CATSPERE: variants seen among roughly 807,000 people sequenced by gnomAD.
The protein encoded by CATSPERE is cation channel sperm-associated auxiliary subunit epsilon.
In CATSPERE, 93 loss-of-function variants were observed where a neutral mutation model predicts 114.1. The observed-to-expected ratio is 0.81, with a 90% confidence interval of 0.69 to 0.97. The LOEUF is 0.97. Among genes scored for constraint, CATSPERE ranks in the 50% least tolerant of loss-of-function variants. The pLI, the probability that CATSPERE is intolerant of heterozygous loss-of-function variation, is 0.00. For missense variants in CATSPERE, 1,058 were observed against 1,131.6 expected (o/e 0.93, Z 0.93); for synonymous variants, 341 against 384.1 (o/e 0.89, Z 1.31).
At chr1:244,485,328 C>T (rs1670821659) in intron 5 of CATSPERE, among the ~76,000 whole-genome samples, 3 of 151,736 alleles carry the variant, frequency 2.0e-5, no homozygotes, top group South Asian at 2.1e-4. Context: ...ATTACAGGCA[C>T]CCACCACCAC....
intron 5 of CATSPERE, among the ~76,000 whole-genome samples, chr1:244,482,936 C>T (rs1428046842): frequency 2.6e-5 from 4 of 152,114 alleles, no homozygotes; most frequent in Admixed American, 1.3e-4. Context: ...TAAATTGAAT[C>T]ATATGATAAG....
intron 8 of CATSPERE, among the ~76,000 whole-genome samples, chr1:244,535,013 C>G (rs1680157622): frequency 6.6e-6 from 1 of 152,150 alleles, no homozygotes; most frequent in Non-Finnish European, 1.5e-5. Context: ...CCCAGTAATG[C>G]TATGACTCTT....
At chr1:244,632,838 A>T (rs1419907953) in intron 20 of CATSPERE, among the ~76,000 whole-genome samples, 1 of 152,196 alleles carries the variant, frequency 6.6e-6, no homozygotes, top group Non-Finnish European at 1.5e-5. Context: ...CCAATTAAAG[A>T]ACGGAGATTG....
chr1:244,639,029 C>T (rs1674997207), intron 21 of CATSPERE, among the ~76,000 whole-genome samples: 1 of 152,202 alleles, frequency 6.6e-6, no homozygotes, highest in African/African-American at 2.4e-5. Context: ...CTCTCTCCTG[C>T]CTTAGGCTAA....
At chr1:244,509,068 T>A (rs1675286380) in intron 7 of CATSPERE, among the ~76,000 whole-genome samples, 1 of 152,002 alleles carries the variant, frequency 6.6e-6, no homozygotes, top group Non-Finnish European at 1.5e-5. Context: ...TTTTTTCTTT[T>A]GTCTATTGCT....
chr1:244,630,755 T>C (rs1673832855), intron 20 of CATSPERE, among the ~76,000 whole-genome samples: 1 of 152,182 alleles, frequency 6.6e-6, no homozygotes, highest in Non-Finnish European at 1.5e-5. Flanking sequence ...GAGTATCTTA[T>C]GGGTCCTATC....
chr1:244,591,426 A>G (rs1010659152), intron 14 of CATSPERE, among the ~76,000 whole-genome samples: 4 of 152,204 alleles, frequency 2.6e-5, no homozygotes, highest in Admixed American at 6.5e-5. Context: ...CATCTGCTAT[A>G]ATTTTTAATA....
intron 11 of CATSPERE, among the ~76,000 whole-genome samples, chr1:244,574,398 G>C (rs1290790377): frequency 6.6e-6 from 1 of 152,160 alleles, no homozygotes; most frequent in Non-Finnish European, 1.5e-5. Context: ...AGGCTTGAAG[G>C]CTTGAAGGAA....
At position 244,524,466 on chromosome 1, in the gene CATSPERE, A is replaced by G. The variant is rs989422546; in HGVS notation, c.536+5768A>G. On this transcript the variant is annotated intron_variant, in intron 8 of 21. Transcript: ENST00000366534. ...GTCTAAAACACCAAAAGCAATGGCA[A>G]CAAAAGACAAAATTGACAAATGGGA... is the stretch of plus-strand genomic sequence containing the variant. 3.0e-4 allele frequency among the ~76,000 whole-genome samples: 45 copies of G among 151,538 alleles called. 1 individual carries two copies. Among genetic ancestry groups the G allele is most frequent in the Admixed American group, 5.9e-4 (9 of 15,246 alleles).
chr1:244,508,408 C>T (rs1675160462), intron 7 of CATSPERE, among the ~76,000 whole-genome samples: 1 of 150,946 alleles, frequency 6.6e-6, no homozygotes, highest in Non-Finnish European at 1.5e-5. Flanking sequence ...TCACACCATT[C>T]TCCTGCCTCA....
At chr1:244,621,984 CACAA>C (rs995510456) in intron 20 of CATSPERE, among the ~76,000 whole-genome samples, 1 of 152,156 alleles carries the variant, frequency 6.6e-6, no homozygotes, top group Admixed American at 6.5e-5. Context: ...CGTAAATAAT[CACAA>C]ATGTACTTAT....
intron 5 of CATSPERE, among the ~76,000 whole-genome samples, chr1:244,483,949 A>G (rs541008961): frequency 6.6e-6 from 1 of 152,284 alleles, no homozygotes; most frequent in South Asian, 2.1e-4. Context: ...TTCTTCTAAA[A>G]TTAGGTCTTT....
intron 10 of CATSPERE, among the ~76,000 whole-genome samples, chr1:244,566,888 A>T (rs1446286500): frequency 6.6e-6 from 1 of 151,832 alleles, no homozygotes; most frequent in East Asian, 1.9e-4. Flanking sequence ...TCTTTTCATT[A>T]TGATGCTAGC....
At chr1:244,519,551 C>T (rs1223734762) in intron 8 of CATSPERE, among the ~76,000 whole-genome samples, 1 of 152,082 alleles carries the variant, frequency 6.6e-6, no homozygotes, top group Non-Finnish European at 1.5e-5. Flanking sequence ...CAAAGCTGTG[C>T]ACTTGAAGTT....
intron 9 of CATSPERE, among the ~76,000 whole-genome samples, chr1:244,557,682 A>G (rs902104520): frequency 2.7e-5 from 4 of 148,246 alleles, no homozygotes; most frequent in South Asian, 2.1e-4. Flanking sequence ...TTGAGGTTCA[A>G]TTGAGTTTCT....
intron 8 of CATSPERE, among the ~76,000 whole-genome samples, chr1:244,528,785 C>CCACACACGCACGCACACACA (rs749801424): frequency 4.1e-4 from 53 of 130,582 alleles, no homozygotes; most frequent in African/African-American, 1.5e-3. Flanking sequence ...CAATCCCCCA[C>CCACACACGCACGCACACACA]CACACACACA....
rs1665122834 is a variant in CATSPERE, at chr1:244,575,586, C to T, written c.1950+2814C>T. The stretch of plus-strand genomic sequence containing the variant: ...CTGGGTGCGAGGAGAGCATCCTAGC[C>T]ACTGCCACTCTTCCAGGTGCTAGTA... On this transcript the variant is annotated intron_variant, in intron 11 of 21. Coordinates refer to ENST00000366534, the MANE Select transcript of CATSPERE (RefSeq NM_001130957.2). The surrounding 1 kb of genome is among the most constrained non-coding windows in gnomAD (Gnocchi z 4.5). Among the ~76,000 whole-genome samples the T allele has an allele frequency of 1.3e-5, 2 of 152,188 alleles. No individual in the cohort carries two copies. Among genetic ancestry groups the T allele is most frequent in the African/African-American group, 4.8e-5 (2 of 41,442 alleles).
chr1:244,517,089 T>C (rs1676762508), intron 7 of CATSPERE, among the ~76,000 whole-genome samples: 1 of 152,078 alleles, frequency 6.6e-6, no homozygotes, highest in African/African-American at 2.4e-5. Flanking sequence ...AACAGTAACC[T>C]GTACTTGGTA....
intron 8 of CATSPERE, among the ~76,000 whole-genome samples, chr1:244,539,847 A>G (rs1658316688): frequency 7.0e-6 from 1 of 142,894 alleles, no homozygotes; most frequent in Admixed American, 7.0e-5. Flanking sequence ...TATTGCGTCT[A>G]TTTGATTCTT....
Sources: allele counts gnomAD v4.1 joint callset (sites outside exome capture counted in the v4.1 genomes callset), GRCh38; gene constraint gnomAD v4.1.1; non-coding constraint Gnocchi (gnomAD v3.1); transcripts MANE v1.5; gene names NCBI Gene and HGNC (gene_info 2026-07-23, HGNC 2026-07-21).